Variants in ACAD11 observed in about 807,000 individuals in gnomAD.
ACAD11 encodes acyl-Coenzyme A dehydrogenase family, member 11.
A neutral mutation model predicts 102.2 loss-of-function variants in ACAD11; 83 were observed. That is an observed-to-expected ratio of 0.81 (90% CI 0.68 to 0.97). The LOEUF (loss-of-function observed/expected upper bound fraction) is 0.97, where lower values mean the gene tolerates loss of function less well. ACAD11 is among the 50% of genes least tolerant of loss of function. The pLI is 0.00. For synonymous variants in ACAD11, 324 were observed against 319.8 expected (o/e 1.01, Z -0.14); for missense variants, 901 against 951.7 (o/e 0.95, Z 0.70).
At chr3:132,617,078 T>C (rs1490711314) in intron 11 of ACAD11, among the ~76,000 whole-genome samples, 1 of 152,158 alleles carries the variant, frequency 6.6e-6, no homozygotes, top group Non-Finnish European at 1.5e-5. Flanking sequence ...ACCAGGGCCA[T>C]GCATAAACAC....
rs531246701 is a variant in ACAD11 at position 132,633,344 on chromosome 3, G to C, written c.703-1865C>G. Among the ~76,000 whole-genome samples, 3 of 152,244 alleles carry C rather than the reference G, an allele frequency of 2.0e-5. No individual in the cohort carries two copies. In the East Asian group the frequency reaches 5.8e-4, roughly 29 times the overall value. On this transcript the variant is annotated intron_variant, in intron 5 of 19. Transcript: ENST00000264990. Reference sequence around the variant, plus strand: ...CTCTTGAGATAATCATGTGGTTTTTGTCTTTGGTTCTGTTTCTATGCTGGA... The same window carrying C: ...CTCTTGAGATAATCATGTGGTTTTTCTCTTTGGTTCTGTTTCTATGCTGGA...
chr3:132,579,415 T>G, intron 14 of ACAD11, 77 bp downstream of exon 14: 1 of 1,203,024 alleles, frequency 8.3e-7, no homozygotes, highest in Non-Finnish European at 1.2e-6. Context: ...AAACAGTGAA[T>G]TTTAAGTAAA....
In ACAD11 at chr3:132,658,023, G is replaced by A. The variant is rs367709441; in HGVS notation, c.149+1580C>T. On this transcript the variant is annotated intron_variant, in intron 1 of 19. Transcript: ENST00000264990. ...ACTACAGGCACGTGCCACCACGCCC[G>A]GCTAATTTTTGTATCTTTAGTAGAG... Among the ~76,000 whole-genome samples, 22 of 151,898 alleles carry A rather than the reference G, an allele frequency of 1.4e-4. No individual in the cohort carries two copies. In the East Asian group the frequency reaches 2.1e-3, roughly 15 times the overall value.
chr3:132,618,438 A>T (rs1296335782), intron 11 of ACAD11, 196 bp downstream of exon 11: 2 of 538,272 alleles, frequency 3.7e-6, no homozygotes, highest in Non-Finnish European at 3.0e-6. Flanking sequence ...AATTGTAATG[A>T]TATTTAACAA....
chr3:132,567,555 GAAA>G (rs1271161618), intron 17 of ACAD11, among the ~76,000 whole-genome samples: 1 of 151,880 alleles, frequency 6.6e-6, no homozygotes, highest in Non-Finnish European at 1.5e-5. Context: ...AAGGAAAACA[GAAA>G]AACAATAACC....
At chr3:132,598,059 A>G (rs1000006957) in intron 13 of ACAD11, among the ~76,000 whole-genome samples, 11 of 152,216 alleles carry the variant, frequency 7.2e-5, no homozygotes, top group African/African-American at 2.4e-4. Flanking sequence ...TAGCAAACAT[A>G]AGAACATTTC....
In ACAD11 at chr3:132,601,185, G is replaced by A. The variant is rs142433574; in HGVS notation, c.1621+2044C>T. On this transcript the variant is annotated intron_variant, in intron 13 of 19. Coordinates refer to ENST00000264990, the MANE Select transcript of ACAD11 (RefSeq NM_032169.5). The stretch of plus-strand genomic sequence containing the variant: ...CCTTATAACATTGTCAAGTTCTGCC[G>A]AGCCATAGACATCATCTACTCCCTG... 1,506 of 1,613,038 alleles carry A rather than the reference G, an allele frequency of 9.3e-4. 3 individuals carry two copies. The African/African-American group carries it at 0.017, about 18-fold the overall frequency.
At chr3:132,596,457 A>T (rs1271681466) in intron 13 of ACAD11, among the ~76,000 whole-genome samples, 1 of 152,176 alleles carries the variant, frequency 6.6e-6, no homozygotes, top group Non-Finnish European at 1.5e-5. Context: ...AATAGAAAAA[A>T]TGGCATGGGT....
intron 11 of ACAD11, among the ~76,000 whole-genome samples, chr3:132,610,194 CACTCCCTTTGAA>C (rs1489872093): frequency 6.6e-6 from 1 of 152,076 alleles, no homozygotes; most frequent in African/African-American, 2.4e-5. Context: ...AAGCTGGAAG[CACTCCCTTTGAA>C]ACTGGGACAC....
chr3:132,613,242 G>A (rs1372281138), intron 11 of ACAD11, among the ~76,000 whole-genome samples: 1 of 151,654 alleles, frequency 6.6e-6, no homozygotes, highest in Non-Finnish European at 1.5e-5. Flanking sequence ...GGGGGAAGGG[G>A]GGAGGGATAG....
intron 9 of ACAD11, among the ~76,000 whole-genome samples, chr3:132,622,030 C>CA: frequency 6.7e-6 from 1 of 148,586 alleles, no homozygotes; most frequent in South Asian, 2.1e-4. Context: ...CTAATTTGTA[C>CA]AACTAAAAGA....
intron 5 of ACAD11, among the ~76,000 whole-genome samples, chr3:132,635,810 C>T (rs1466470470): frequency 6.6e-6 from 1 of 151,964 alleles, no homozygotes; most frequent in African/African-American, 2.4e-5. Flanking sequence ...TTGATCACTC[C>T]TTTCTCTATG....
intron 11 of ACAD11, among the ~76,000 whole-genome samples, chr3:132,616,425 T>A (rs1264586544): frequency 6.6e-6 from 1 of 152,186 alleles, no homozygotes; most frequent in African/African-American, 2.4e-5. Context: ...TAGTGCATCA[T>A]GAAATCAACT....
chr3:132,561,241 AAAG>A, intron 17 of ACAD11, 24 bp from the exon 18 acceptor site: 1 of 1,579,274 alleles, frequency 6.3e-7, no homozygotes, highest in Non-Finnish European at 8.7e-7. Flanking sequence ...AAAGGCAGCA[AAAG>A]AAGGAGGAGC....
At chr3:132,599,134 A>C (rs1302886429) in intron 13 of ACAD11, among the ~76,000 whole-genome samples, 1 of 152,094 alleles carries the variant, frequency 6.6e-6, no homozygotes, top group Non-Finnish European at 1.5e-5. Flanking sequence ...GCAACCTGGC[A>C]AAACCCCGTC....
intron 1 of ACAD11, chr3:132,654,311 T>C (rs891719882): frequency 1.3e-5 from 2 of 152,224 alleles, no homozygotes; most frequent in African/African-American, 4.8e-5. Context: ...CTAGATGGTA[T>C]AGCCTATTAT....
chr3:132,588,638 C>T (rs1173245424), intron 13 of ACAD11, among the ~76,000 whole-genome samples: 3 of 152,038 alleles, frequency 2.0e-5, no homozygotes, highest in South Asian at 2.1e-4. Flanking sequence ...AAAACTGTTG[C>T]TTATAATTTA....
chr3:132,572,441 T>C lies in ACAD11; in HGVS notation c.2001+3331A>G, dbSNP rs191426325. ...ATTCCATGCTCATGGATATGAAGAATCAATATCATTAAAATGACTATACTG... is the reference window on the plus strand; with the variant it reads ...ATTCCATGCTCATGGATATGAAGAACCAATATCATTAAAATGACTATACTG... On this transcript the variant is annotated intron_variant, in intron 17 of 19. Coordinates refer to ENST00000264990, the MANE Select transcript of ACAD11 (RefSeq NM_032169.5). Among the ~76,000 whole-genome samples the C allele has an allele frequency of 3.6e-3, 554 of 152,306 alleles. 13 individuals carry two copies. Among genetic ancestry groups the C allele is most frequent in the Admixed American group, 0.015 (232 of 15,294 alleles).
At chr3:132,570,783 T>C (rs1240934895) in intron 17 of ACAD11, among the ~76,000 whole-genome samples, 2 of 152,198 alleles carry the variant, frequency 1.3e-5, no homozygotes. Context: ...GTTCCTGCGT[T>C]AGTTGGCTAA....
Sources: allele counts gnomAD v4.1 joint callset (sites outside exome capture counted in the v4.1 genomes callset), GRCh38; gene constraint gnomAD v4.1.1; transcripts MANE v1.5; gene names NCBI Gene and HGNC (gene_info 2026-07-23, HGNC 2026-07-21).